Variants in ADGRL3 observed in about 807,000 individuals in gnomAD.
ADGRL3 encodes adhesion G protein-coupled receptor L3.
In ADGRL3, 62 loss-of-function variants were observed where a neutral mutation model predicts 153.5. The observed-to-expected ratio is 0.40, with a 90% CI of 0.33 to 0.50. The LOEUF (loss-of-function observed/expected upper bound fraction) is 0.50, where lower values mean the gene tolerates loss of function less well. Among genes scored for constraint, ADGRL3 ranks in the 20% least tolerant of loss-of-function variants. The probability of loss-of-function intolerance (pLI) is 0.47; values close to 1 mark genes in which losing one functional copy is unlikely to be tolerated. For synonymous variants in ADGRL3, 710 were observed against 672.5 expected (o/e 1.06, Z -0.86); for missense variants, 1,641 against 1,859.4 (o/e 0.88, Z 2.16).
At position 61,550,254 on chromosome 4, in the gene ADGRL3, ATAGG is replaced by A. The variant is rs1474341259; in HGVS notation, c.259+32742_259+32745del. 2.6e-5 allele frequency among the ~76,000 whole-genome samples: 4 copies of A among 151,960 alleles called. No individual in the cohort carries two copies. The East Asian group carries it at 5.8e-4, about 22-fold the overall frequency. On this transcript the variant is annotated intron_variant, in intron 4 of 26. Coordinates refer to ENST00000683033, the MANE Select transcript of ADGRL3 (RefSeq NM_001387552.1). ...TTGGGATCCAGTTGAGGTCAAGAAC[ATAGG>A]TAGGTTAATGGAACTAAATTGTTTT...
At chr4:61,465,355 G>A (rs913317203) in intron 2 of ADGRL3, among the ~76,000 whole-genome samples, 1 of 152,010 alleles carries the variant, frequency 6.6e-6, no homozygotes, top group Admixed American at 6.6e-5. Flanking sequence ...ATATTTGTGA[G>A]AAGTTTTAAA....
chr4:61,577,404 CTT>C (rs2098893889), intron 4 of ADGRL3, among the ~76,000 whole-genome samples: 1 of 151,962 alleles, frequency 6.6e-6, no homozygotes, highest in African/African-American at 2.4e-5. Flanking sequence ...CACTAAGTTT[CTT>C]CTGTTAAAAT....
chr4:61,608,511 C>A (rs10001410), intron 5 of ADGRL3, among the ~76,000 whole-genome samples: 83,727 of 152,090 alleles, frequency 0.55, 26,499 homozygotes, highest in Non-Finnish European at 0.74. Flanking sequence ...AAGCAATTTG[C>A]AAACTCATTC....
chr4:61,707,002 G>C (rs1247185723), intron 6 of ADGRL3, among the ~76,000 whole-genome samples: 2 of 152,126 alleles, frequency 1.3e-5, no homozygotes, highest in African/African-American at 4.8e-5. Flanking sequence ...CACTTGAATA[G>C]TTAGAGGCCA....
At chr4:61,215,540 A>C (rs1036917400) in intron 1 of ADGRL3, among the ~76,000 whole-genome samples, 1 of 122,862 alleles carries the variant, frequency 8.1e-6, no homozygotes, top group Non-Finnish European at 1.7e-5. Context: ...TCTATTATGG[A>C]ATTTTTTTTT....
At chr4:61,544,771 C>T (rs1358293002) in intron 4 of ADGRL3, among the ~76,000 whole-genome samples, 3 of 152,180 alleles carry the variant, frequency 2.0e-5, no homozygotes, top group African/African-American at 7.2e-5. Flanking sequence ...AATGGAACCT[C>T]TTTCCAATGA....
At chr4:61,312,402 G>T (rs1560460543) in intron 1 of ADGRL3, among the ~76,000 whole-genome samples, 1 of 151,972 alleles carries the variant, frequency 6.6e-6, no homozygotes, top group African/African-American at 2.4e-5. Flanking sequence ...GTCAATCCAT[G>T]GAAGAAAAGT....
At chr4:61,729,460 T>C (rs2151778155) in intron 6 of ADGRL3, among the ~76,000 whole-genome samples, 1 of 152,074 alleles carries the variant, frequency 6.6e-6, no homozygotes, top group African/African-American at 2.4e-5. Context: ...AGTATAAAGA[T>C]ATCACCCAAA....
chr4:61,410,180 A>C (rs917168225), intron 2 of ADGRL3, among the ~76,000 whole-genome samples: 3 of 152,142 alleles, frequency 2.0e-5, no homozygotes, highest in Non-Finnish European at 4.4e-5. Flanking sequence ...CTCTATTTGT[A>C]AATTTATATT....
chr4:61,771,093 T>C (rs1281675739), intron 8 of ADGRL3, among the ~76,000 whole-genome samples: 1 of 152,196 alleles, frequency 6.6e-6, no homozygotes, highest in Non-Finnish European at 1.5e-5. Context: ...ATACAAGGGC[T>C]TAAGGTGTGA....
At chr4:61,554,372 T>A (rs1391394003) in intron 4 of ADGRL3, among the ~76,000 whole-genome samples, 1 of 151,950 alleles carries the variant, frequency 6.6e-6, no homozygotes, top group Non-Finnish European at 1.5e-5. Context: ...TTTTTTGTAT[T>A]TTTAGTAGAT....
intron 1 of ADGRL3, among the ~76,000 whole-genome samples, chr4:61,362,615 A>G (rs527544597): frequency 2.0e-5 from 3 of 152,252 alleles, no homozygotes; most frequent in African/African-American, 7.2e-5. Context: ...AGAAAATCAT[A>G]TGAAAGAGAT....
chr4:62,023,191 G>A (rs183510239), intron 21 of ADGRL3, among the ~76,000 whole-genome samples: 1 of 152,252 alleles, frequency 6.6e-6, no homozygotes, highest in African/African-American at 2.4e-5. Flanking sequence ...AGACTTTAGT[G>A]GAGGAAATAA....
At chr4:61,379,847 T>A (rs931493142) in intron 1 of ADGRL3, among the ~76,000 whole-genome samples, 2 of 152,030 alleles carry the variant, frequency 1.3e-5, no homozygotes, top group African/African-American at 4.8e-5. Flanking sequence ...AATATTGATT[T>A]TGGGAAGTTT....
intron 2 of ADGRL3, among the ~76,000 whole-genome samples, chr4:61,429,742 A>G (rs2097332628): frequency 6.6e-6 from 1 of 152,132 alleles, no homozygotes; most frequent in Non-Finnish European, 1.5e-5. Flanking sequence ...CTCTAAAGTT[A>G]TTATAAATTG....
At chr4:61,509,598 T>A (rs2098452062) in intron 3 of ADGRL3, among the ~76,000 whole-genome samples, 1 of 152,058 alleles carries the variant, frequency 6.6e-6, no homozygotes, top group African/African-American at 2.4e-5. Flanking sequence ...GGCTGCATAG[T>A]ATTCTTCCAT....
chr4:61,334,995 G>A (rs1469778591), intron 1 of ADGRL3, among the ~76,000 whole-genome samples: 2 of 152,172 alleles, frequency 1.3e-5, no homozygotes, highest in East Asian at 3.9e-4. Context: ...ACTATAATCT[G>A]TATGAAGTGA....
rs769260480 is a variant in ADGRL3, at chr4:61,200,651, G to A, written c.-1354G>A. ...TTTTTGCCTTGGTCCTCTTCCTACG[G>A]GTGTGCGCGCGCGCGGGTTGCACGG... On this transcript the variant is annotated 5_prime_UTR_variant, in exon 1 of 27. Transcript: ENST00000683033. 2.4e-3 allele frequency among the ~76,000 whole-genome samples: 358 copies of A among 152,136 alleles called. 1 individual carries two copies. The highest frequency in any genetic ancestry group is 4.4e-3 in the Admixed American group (68 of 15,300).
chr4:61,476,364 T>G (rs2098052612), intron 2 of ADGRL3, among the ~76,000 whole-genome samples: 1 of 151,900 alleles, frequency 6.6e-6, no homozygotes, highest in African/African-American at 2.4e-5. Context: ...GTAGCTGGGA[T>G]TACAGGCACA....
Sources: allele counts gnomAD v4.1 joint callset (sites outside exome capture counted in the v4.1 genomes callset), GRCh38; gene constraint gnomAD v4.1.1; transcripts MANE v1.5; gene names NCBI Gene and HGNC (gene_info 2026-07-23, HGNC 2026-07-21).